The following CELF2 variants were observed in gnomAD, a reference collection of about 807,000 sequenced individuals.
The protein encoded by CELF2 is CUG triplet repeat RNA-binding protein 2.
Under a neutral mutation model 62.6 loss-of-function variants are expected in CELF2, and 8 were observed. That is an observed-to-expected ratio of 0.13 (90% CI 0.07 to 0.23). The LOEUF (loss-of-function observed/expected upper bound fraction) is 0.23. CELF2 is among the 10% of genes least tolerant of loss of function. The pLI, the probability that CELF2 is intolerant of heterozygous loss-of-function variation, is 1.00. For synonymous variants in CELF2, 258 were observed against 250.0 expected (o/e 1.03, Z -0.30); for missense variants, 333 against 671.0 (o/e 0.50, Z 5.56).
At position 11,314,404 on chromosome 10, in the gene CELF2, G is replaced by C. The variant is rs956998153; in HGVS notation, c.1096+146G>C. On this transcript the variant is annotated intron_variant, in intron 10 of 12. Coordinates refer to ENST00000633077, the MANE Select transcript of CELF2 (RefSeq NM_001326342.2). This position sits in a 1 kb window ranked among gnomAD's most constrained non-coding sequence, Gnocchi z 5.3. The stretch of plus-strand genomic sequence containing the variant: ...GGATGGAGGAGCACATGCTTTGATA[G>C]GCAAAAGCTGTCTACACTCGTTTTG... The C allele has an allele frequency of 2.3e-5, 23 of 1,017,790 alleles. No homozygotes were observed. The highest frequency in any genetic ancestry group is 3.0e-5 in the Non-Finnish European group (20 of 662,570). 63.0% of individuals were successfully genotyped at this position (1,017,790 alleles called of 1,614,324 possible). A position where few individuals can be genotyped will look rare whatever the true frequency, so the allele number is the denominator to read the frequency against.
intron 5 of CELF2, among the ~76,000 whole-genome samples, chr10:11,263,965 A>G (rs947987565): frequency 3.9e-5 from 6 of 152,174 alleles, no homozygotes; most frequent in Admixed American, 2.0e-4. Context: ...TATAAATGAC[A>G]CTGTAATTTT....
At chr10:11,240,503 C>T (rs1430060524) in intron 3 of CELF2, among the ~76,000 whole-genome samples, 1 of 152,228 alleles carries the variant, frequency 6.6e-6, no homozygotes, top group Non-Finnish European at 1.5e-5. Flanking sequence ...GTCTAATCCA[C>T]TGTGTGAGTT....
chr10:10,666,992 C>T, the CELF2 span, among the ~76,000 whole-genome samples: 1 of 152,078 alleles, frequency 6.6e-6, no homozygotes, highest in East Asian at 1.9e-4. Flanking sequence ...CACACCACAG[C>T]ATACATTTAT....
chr10:10,633,630 G>A, the CELF2 span, among the ~76,000 whole-genome samples: 2 of 151,970 alleles, frequency 1.3e-5, no homozygotes, highest in Admixed American at 1.3e-4. Flanking sequence ...TTTTATGTGA[G>A]TAAAATATCT....
At chr10:11,086,092 C>G (rs911963258) in intron 1 of CELF2, among the ~76,000 whole-genome samples, 1 of 152,094 alleles carries the variant, frequency 6.6e-6, no homozygotes, top group East Asian at 1.9e-4. Context: ...TTGACAATCT[C>G]CTGGACTCTT....
At chr10:10,919,370 G>A (rs1024228325) in intron 1 of CELF2, among the ~76,000 whole-genome samples, 12 of 152,112 alleles carry the variant, frequency 7.9e-5, no homozygotes, top group African/African-American at 2.9e-4. Context: ...ATATGCAAAA[G>A]CCTTTCTTTA....
Position 11,334,844 on chromosome 10 carries a change from A to C in CELF2, c.*5791A>C, listed in dbSNP as rs2096089560. 1 of 152,174 alleles carries C rather than the reference A, an allele frequency of 6.6e-6. No individual in the cohort carries two copies. The highest frequency in any genetic ancestry group is 1.5e-5 in the Non-Finnish European group (1 of 68,026). 9.4% of individuals were successfully genotyped at this position (152,174 alleles called of 1,614,324 possible). On this transcript the variant is annotated 3_prime_UTR_variant, in exon 13 of 13. Transcript: ENST00000633077. ...AGAAGTGAGTTCTCCAGGGAAGAAAAATCAACTTAGCCAGTGAAAAGGGTT... is the reference window on the plus strand; with the variant it reads ...AGAAGTGAGTTCTCCAGGGAAGAAACATCAACTTAGCCAGTGAAAAGGGTT...
intron 1 of CELF2, among the ~76,000 whole-genome samples, chr10:11,151,126 T>C (rs1306977833): frequency 6.6e-6 from 1 of 152,218 alleles, no homozygotes; most frequent in Non-Finnish European, 1.5e-5. Flanking sequence ...CACAGCTGTT[T>C]CCCCACCCAG....
At chr10:10,949,867 C>T (rs904869915) in intron 2 of CELF2, among the ~76,000 whole-genome samples, 4 of 148,134 alleles carry the variant, frequency 2.7e-5, no homozygotes, top group African/African-American at 9.9e-5. Flanking sequence ...CAAATTCAAA[C>T]TCACTTTACA....
At chr10:10,645,165 C>T in the CELF2 span, among the ~76,000 whole-genome samples, 1 of 152,086 alleles carries the variant, frequency 6.6e-6, no homozygotes, top group African/African-American at 2.4e-5. Flanking sequence ...TGTTGGTTGG[C>T]AAGATTGAAT....
At chr10:10,869,773 C>A (rs141296480) in intron 1 of CELF2, among the ~76,000 whole-genome samples, 52 of 152,258 alleles carry the variant, frequency 3.4e-4, no homozygotes, top group African/African-American at 1.2e-3. Context: ...TCTCTCTTCA[C>A]GCCTTATCAA....
intron 1 of CELF2, among the ~76,000 whole-genome samples, chr10:11,086,295 A>G (rs1375014958): frequency 6.6e-6 from 1 of 151,802 alleles, no homozygotes; most frequent in Admixed American, 6.6e-5. Flanking sequence ...AGCAATAACA[A>G]CCGTATTTTT....
intron 3 of CELF2, among the ~76,000 whole-genome samples, chr10:11,222,648 AC>A (rs1474590979): frequency 6.6e-6 from 1 of 152,174 alleles, no homozygotes; most frequent in African/African-American, 2.4e-5. Context: ...GCCCTTTATA[AC>A]CAAATCACCA....
intron 1 of CELF2, among the ~76,000 whole-genome samples, chr10:11,130,417 CACCCCAGGATGGA>C (rs1193412444): frequency 6.6e-6 from 1 of 152,228 alleles, no homozygotes; most frequent in Non-Finnish European, 1.5e-5. Flanking sequence ...CCCCTCCTTG[CACCCCAGGATGGA>C]AGTTTGGTTT....
intron 1 of CELF2, among the ~76,000 whole-genome samples, chr10:11,061,271 G>A (rs1452064556): frequency 1.3e-5 from 2 of 152,184 alleles, no homozygotes; most frequent in Non-Finnish European, 2.9e-5. Context: ...AATCAAATGA[G>A]CCACAACAGT....
the CELF2 span, among the ~76,000 whole-genome samples, chr10:10,531,042 G>C: frequency 1.3e-5 from 2 of 152,152 alleles, no homozygotes; most frequent in South Asian, 2.1e-4. Flanking sequence ...GTGTCTCTCT[G>C]TGCTTTCACC....
In CELF2 at chr10:11,223,673, C is replaced by T. The variant is rs2065583837; in HGVS notation, c.354+6166C>T. On this transcript the variant is annotated intron_variant, in intron 3 of 12. Coordinates refer to ENST00000633077, the MANE Select transcript of CELF2 (RefSeq NM_001326342.2). The surrounding 1 kb of genome is among the most constrained non-coding windows in gnomAD (Gnocchi z 5.1). ...TTGAGGGTGCAGAAGCTCCCTTCCCCCTGCAGGAGTCACAGCAGTATGAAA... is the reference window on the plus strand; with the variant it reads ...TTGAGGGTGCAGAAGCTCCCTTCCCTCTGCAGGAGTCACAGCAGTATGAAA... Among the ~76,000 whole-genome samples the T allele has an allele frequency of 6.6e-6, 1 of 152,154 alleles. No homozygotes were observed. Among genetic ancestry groups the T allele is most frequent in the South Asian group, 2.1e-4 (1 of 4,818 alleles).
upstream of CELF2, among the ~76,000 whole-genome samples, chr10:11,015,005 G>A (rs1593158261): frequency 6.6e-6 from 1 of 152,156 alleles, no homozygotes; most frequent in Admixed American, 6.5e-5. This position sits in a 1 kb window ranked among gnomAD's most constrained non-coding sequence, Gnocchi z 4.8. Flanking sequence ...TCATATCCAC[G>A]GGTGGGGCCA....
At chr10:11,265,206 G>T (rs989903612) in intron 5 of CELF2, among the ~76,000 whole-genome samples, 2 of 152,188 alleles carry the variant, frequency 1.3e-5, no homozygotes, top group Non-Finnish European at 2.9e-5. Flanking sequence ...CTGGTTGTTT[G>T]AATGCAGAAT....
Sources: gnomAD v4.1 joint callset for allele counts (sites outside exome capture counted in the v4.1 genomes callset) on GRCh38, gnomAD v4.1.1 for gene constraint, Gnocchi (gnomAD v3.1) non-coding constraint, MANE v1.5 for transcripts, NCBI Gene and HGNC (gene_info 2026-07-23, HGNC 2026-07-21) for gene names.